Variants in TM9SF4 observed in about 807,000 individuals in gnomAD.
TM9SF4 encodes the protein transmembrane 9 superfamily member 4.
In TM9SF4, 26 loss-of-function variants were observed where a neutral mutation model predicts 90.4. The observed-to-expected ratio is 0.29, with a 90% confidence interval of 0.21 to 0.40. TM9SF4 has a LOEUF of 0.40. TM9SF4 is among the 10% of genes least tolerant of loss of function. The pLI is 1.00. For missense variants in TM9SF4, 549 were observed against 834.8 expected, an observed-to-expected ratio of 0.66 and a Z score of 4.22; for synonymous variants, 293 against 315.4, an observed-to-expected ratio of 0.93 and a Z score of 0.75.
rs192964358 is a variant in TM9SF4 at position 32,150,544 on chromosome 20, G to A, written c.1088-78G>A. 8,083 of 1,569,524 alleles carry A rather than the reference G, an allele frequency of 5.1e-3. 61 individuals carry two copies. The highest frequency in any genetic ancestry group is 0.029 in the Admixed American group (1,754 of 59,750). On this transcript the variant is annotated intron_variant, in intron 10 of 17. Transcript: ENST00000398022. ...TGTCAGCCTGTCCAAGGTGGGCCTG[G>A]GGCTGGGGCTGGGGCTAGAGGCCTG...
intron 1 of TM9SF4, among the ~76,000 whole-genome samples, chr20:32,114,901 A>G (rs1429691845): frequency 6.6e-6 from 1 of 152,210 alleles, no homozygotes; most frequent in African/African-American, 2.4e-5. Flanking sequence ...TTTTCCACAT[A>G]TGTCATGTGT....
intron 17 of TM9SF4, among the ~76,000 whole-genome samples, chr20:32,163,748 G>A (rs1438102330): frequency 1.3e-5 from 2 of 151,480 alleles, no homozygotes; most frequent in African/African-American, 4.9e-5. Flanking sequence ...AGTAGCTGGG[G>A]TTACAGGTGC....
chr20:32,144,151 G>A (rs944249659), intron 6 of TM9SF4, among the ~76,000 whole-genome samples: 26 of 152,114 alleles, frequency 1.7e-4, no homozygotes, highest in African/African-American at 6.3e-4. Flanking sequence ...TCACCATGTT[G>A]GCCAGGCTGG....
rs1348234756 is a variant in TM9SF4 at position 32,155,283 on chromosome 20, C to T, written c.1329+97C>T. 2.8e-6 allele frequency: 3 copies of T among 1,053,406 alleles called. No homozygotes were observed. The African/African-American group carries it at 4.7e-5, about 16-fold the overall frequency. The allele number at this position is 1,053,406 out of a possible 1,614,324, so 65.3% of individuals were successfully genotyped here. On this transcript the variant is annotated intron_variant, in intron 13 of 17. Coordinates refer to ENST00000398022, the MANE Select transcript of TM9SF4 (RefSeq NM_014742.4). Reference sequence around the variant, plus strand: ...AAAGCCACTTCCTGCCATTCCCTTCCCTTTTCTGAGTCCCCAGAGTTACGT... The same window carrying T: ...AAAGCCACTTCCTGCCATTCCCTTCTCTTTTCTGAGTCCCCAGAGTTACGT...
At chr20:32,147,739 G>T (rs1423589457) in intron 9 of TM9SF4, among the ~76,000 whole-genome samples, 2 of 151,908 alleles carry the variant, frequency 1.3e-5, no homozygotes, top group Non-Finnish European at 2.9e-5. Flanking sequence ...TGCAATCCCA[G>T]CTACTCAGGA....
At position 32,115,806 on chromosome 20, in the gene TM9SF4, GC is replaced by G. The variant is rs370096891; in HGVS notation, c.15+6052del. On this transcript the variant is annotated intron_variant, in intron 1 of 17. Transcript: ENST00000398022. ...GTAATAACAAAACCTACCACTTTAAGCTTTTTTTTTTTTTTTTTTTTTTTTG... is the reference window on the plus strand; with the variant it reads ...GTAATAACAAAACCTACCACTTTAAGTTTTTTTTTTTTTTTTTTTTTTTTG... Among the ~76,000 whole-genome samples, 16 of 106,312 alleles carry G rather than the reference GC, an allele frequency of 1.5e-4. 3 individuals are homozygous for G. The highest frequency in any genetic ancestry group is 6.3e-4 in the East Asian group (2 of 3,156). The allele number at this position is 106,312 out of a possible 152,430, so 69.7% of individuals were successfully genotyped here. A position where few individuals can be genotyped will look rare whatever the true frequency, so the allele number is the denominator to read the frequency against.
chr20:32,147,858 GAAA>G (rs74194241), intron 9 of TM9SF4, among the ~76,000 whole-genome samples: 1 of 124,690 alleles, frequency 8.0e-6, no homozygotes, highest in African/African-American at 3.0e-5. Context: ...GTCTCCAAAG[GAAA>G]AAAAAAAAAA....
At chr20:32,135,247 A>G (rs2122382021) in intron 2 of TM9SF4, among the ~76,000 whole-genome samples, 1 of 152,340 alleles carries the variant, frequency 6.6e-6, no homozygotes, top group Admixed American at 6.5e-5. Context: ...AATTGAAAGA[A>G]TATATCATAG....
rs374536127 is a variant in TM9SF4, at chr20:32,167,212, T to G, written c.*1768T>G. 6 of 152,210 alleles carry G rather than the reference T, an allele frequency of 3.9e-5. No homozygotes were observed. The South Asian group carries it at 1.0e-3, about 26-fold the overall frequency. The allele number at this position is 152,210 out of a possible 1,614,324, so 9.4% of individuals were successfully genotyped here. On this transcript the variant is annotated 3_prime_UTR_variant, in exon 18 of 18. Transcript: ENST00000398022. ...ATTTTTAATTAAAAAAATGCCTGTA[T>G]GCCTTTTTTTGGTCGGATTGTAAAT... is the stretch of plus-strand genomic sequence containing the variant.
intron 2 of TM9SF4, among the ~76,000 whole-genome samples, chr20:32,134,783 C>T (rs1006553477): frequency 6.6e-6 from 1 of 151,982 alleles, no homozygotes; most frequent in African/African-American, 2.4e-5. Context: ...AGCAATTCTC[C>T]TGCCTCAGCC....
chr20:32,136,519 C>T (rs1221897232), intron 3 of TM9SF4, among the ~76,000 whole-genome samples: 2 of 152,158 alleles, frequency 1.3e-5, no homozygotes, highest in Non-Finnish European at 2.9e-5. Flanking sequence ...TTCTAGATAG[C>T]TCCTCTCTTG....
At chr20:32,131,644 AAGGTT>A (rs1247297802) in intron 1 of TM9SF4, among the ~76,000 whole-genome samples, 2 of 152,138 alleles carry the variant, frequency 1.3e-5, no homozygotes, top group African/African-American at 4.8e-5. Flanking sequence ...ACAGCAGTGA[AAGGTT>A]AGGGAGAGTA....
At chr20:32,123,860 A>T (rs1315264110) in intron 1 of TM9SF4, among the ~76,000 whole-genome samples, 7 of 58,806 alleles carry the variant, frequency 1.2e-4, no homozygotes, top group African/African-American at 7.2e-4. Context: ...ATATATATAT[A>T]TATATATTTT....
At chr20:32,113,783 C>T (rs559571927) in intron 1 of TM9SF4, among the ~76,000 whole-genome samples, 1 of 152,294 alleles carries the variant, frequency 6.6e-6, no homozygotes, top group South Asian at 2.1e-4. Context: ...TAATTCGGAA[C>T]ATTTCATCAC....
intron 5 of TM9SF4, 97 bp from the exon 6 acceptor site, chr20:32,142,885 G>A (rs2046700839): frequency 6.6e-7 from 1 of 1,507,492 alleles, no homozygotes; most frequent in East Asian, 2.4e-5. Flanking sequence ...TAGGAAGGTT[G>A]GTACAACCAG....
intron 1 of TM9SF4, among the ~76,000 whole-genome samples, chr20:32,117,696 C>CT (rs756978623): frequency 2.1e-5 from 3 of 141,098 alleles, no homozygotes; most frequent in Non-Finnish European, 4.6e-5. Flanking sequence ...TTCTCTTGAG[C>CT]TTTATAACAT....
rs11470673 is a variant in TM9SF4 at position 32,125,681 on chromosome 20, C to CTTTTTTTTT, written c.16-7319_16-7311dup. On this transcript the variant is annotated intron_variant, in intron 1 of 17. Transcript: ENST00000398022. ...AATTTATAAGTGATTTCTCTTTTTTCTTTTTTTTTTTTTTTTTTTTTGAGA... is the reference window on the plus strand; with the variant it reads ...AATTTATAAGTGATTTCTCTTTTTTCTTTTTTTTTTTTTTTTTTTTTTTTTTTTTTGAGA... 1.0e-3 allele frequency among the ~76,000 whole-genome samples: 112 copies of CTTTTTTTTT among 108,888 alleles called. 1 individual carries two copies. Among genetic ancestry groups the CTTTTTTTTT allele is most frequent in the Non-Finnish European group, 1.5e-3 (82 of 56,246 alleles). The allele number at this position is 108,888 out of a possible 152,430, so 71.4% of individuals were successfully genotyped here.
chr20:32,165,102 A>G (rs1462404263), intron 17 of TM9SF4, among the ~76,000 whole-genome samples, 193 bp from the exon 18 acceptor site: 1 of 152,144 alleles, frequency 6.6e-6, no homozygotes, highest in African/African-American at 2.4e-5. Flanking sequence ...CATTAGGGCA[A>G]TACACAGGCC....
At chr20:32,143,184 C>T (rs533268590) in intron 6 of TM9SF4, 79 bp downstream of exon 6, 27 of 1,542,116 alleles carry the variant, frequency 1.8e-5, no homozygotes, top group Middle Eastern at 4.5e-4. Context: ...CACTCTTCTC[C>T]CTCCTGAGCT....
Sources: gnomAD v4.1 joint callset for allele counts (sites outside exome capture counted in the v4.1 genomes callset) on GRCh38, gnomAD v4.1.1 for gene constraint, MANE v1.5 for transcripts, NCBI Gene and HGNC (gene_info 2026-07-23, HGNC 2026-07-21) for gene names.